RBFOX1: variants seen among roughly 807,000 people sequenced by gnomAD.
RBFOX1 encodes RNA binding protein fox-1 homolog 1.
Under a neutral mutation model 57.7 loss-of-function variants are expected in RBFOX1, and 8 were observed. The ratio of observed to expected loss-of-function variants is 0.14; its 90% CI spans 0.08 to 0.25. The LOEUF (loss-of-function observed/expected upper bound fraction) is 0.25, where lower values mean the gene tolerates loss of function less well. Among genes scored for constraint, RBFOX1 ranks in the 10% least tolerant of loss-of-function variants. The probability of loss-of-function intolerance (pLI) is 1.00; values close to 1 mark genes in which losing one functional copy is unlikely to be tolerated. For synonymous variants in RBFOX1, 326 were observed against 222.4 expected (o/e 1.47, Z -4.15); for missense variants, 611 against 548.5 (o/e 1.11, Z -1.14).
intron 4 of RBFOX1, among the ~76,000 whole-genome samples, chr16:7,259,827 T>G (rs115257805): frequency 0.019 from 2,909 of 152,276 alleles, 66 homozygotes; most frequent in African/African-American, 0.06. Context: ...AAGGATAATT[T>G]TATGTGTGTG....
At chr16:5,291,423 C>T (rs932665154) in intron 1 of RBFOX1, among the ~76,000 whole-genome samples, 10 of 152,124 alleles carry the variant, frequency 6.6e-5, no homozygotes, top group Admixed American at 5.2e-4. Context: ...CCACCACGCC[C>T]TGCTAATTTT....
intron 4 of RBFOX1, among the ~76,000 whole-genome samples, chr16:5,943,705 G>C (rs1451086452): frequency 1.3e-5 from 2 of 152,184 alleles, no homozygotes; most frequent in African/African-American, 4.8e-5. Flanking sequence ...GATCTGAAGA[G>C]GCTGAATGTA....
intron 3 of RBFOX1, among the ~76,000 whole-genome samples, chr16:6,866,919 G>T (rs1287616082): frequency 6.6e-6 from 1 of 151,682 alleles, no homozygotes; most frequent in East Asian, 1.9e-4. Flanking sequence ...AAGGAAACCA[G>T]CCCTTATGGG....
intron 3 of RBFOX1, among the ~76,000 whole-genome samples, chr16:7,027,440 G>A (rs2041298977): frequency 1.3e-5 from 2 of 152,216 alleles, no homozygotes; most frequent in Admixed American, 6.5e-5. Flanking sequence ...TTTTCAGGTG[G>A]AATAGGAGAG....
At chr16:6,422,646 G>A (rs369219391) in intron 2 of RBFOX1, among the ~76,000 whole-genome samples, 2 of 152,158 alleles carry the variant, frequency 1.3e-5, no homozygotes, top group Admixed American at 6.5e-5. Context: ...TCACATGGCA[G>A]GAGCAGGAGC....
chr16:7,309,008 T>G (rs1159124425), intron 4 of RBFOX1, among the ~76,000 whole-genome samples: 1 of 152,144 alleles, frequency 6.6e-6, no homozygotes, highest in Non-Finnish European at 1.5e-5. Flanking sequence ...TTGGGGGTGG[T>G]CGATAGTGTC....
intron 4 of RBFOX1, among the ~76,000 whole-genome samples, chr16:7,381,709 T>G (rs1055246031): frequency 6.6e-6 from 1 of 152,202 alleles, no homozygotes; most frequent in Non-Finnish European, 1.5e-5. Context: ...GATTTGCAAG[T>G]CAGGAACAGT....
intron 4 of RBFOX1, among the ~76,000 whole-genome samples, chr16:7,211,568 C>T (rs372397115): frequency 1.3e-5 from 2 of 151,916 alleles, no homozygotes; most frequent in African/African-American, 4.8e-5. Context: ...ACAAAAAAGG[C>T]CTTGAGTCTT....
chr16:7,307,940 T>G (rs1271441232), intron 4 of RBFOX1, among the ~76,000 whole-genome samples: 1 of 152,234 alleles, frequency 6.6e-6, no homozygotes, highest in African/African-American at 2.4e-5. Flanking sequence ...AAGCTGAACT[T>G]AGAACTCACA....
intron 3 of RBFOX1, among the ~76,000 whole-genome samples, chr16:6,948,764 C>T (rs781755108): frequency 6.6e-6 from 1 of 152,114 alleles, no homozygotes; most frequent in Non-Finnish European, 1.5e-5. Flanking sequence ...ACAAAAAATG[C>T]CCATACAATC....
chr16:6,493,933 A>G (rs1316288392), intron 2 of RBFOX1, among the ~76,000 whole-genome samples: 1 of 152,236 alleles, frequency 6.6e-6, no homozygotes, highest in Admixed American at 6.5e-5. Flanking sequence ...CTACAGTAGC[A>G]TCAGCGTGAT....
At chr16:6,910,081 G>A (rs1296945626) in intron 3 of RBFOX1, among the ~76,000 whole-genome samples, 1 of 152,036 alleles carries the variant, frequency 6.6e-6, no homozygotes, top group South Asian at 2.1e-4. Flanking sequence ...TATTGTGCCT[G>A]TACGTCCCAC....
chr16:6,730,485 C>A (rs144529487), intron 3 of RBFOX1, among the ~76,000 whole-genome samples: 2,408 of 152,230 alleles, frequency 0.016, 39 homozygotes, highest in Middle Eastern at 0.034. Flanking sequence ...AATTACCTAA[C>A]TGTCTAATCT....
At chr16:6,836,649 C>T (rs562996251) in intron 3 of RBFOX1, among the ~76,000 whole-genome samples, 4 of 152,272 alleles carry the variant, frequency 2.6e-5, no homozygotes, top group East Asian at 1.9e-4. Flanking sequence ...CACCCCGCTT[C>T]GGGGGTGACA....
chr16:6,849,877 C>A (rs2093974147), intron 3 of RBFOX1, among the ~76,000 whole-genome samples: 1 of 152,248 alleles, frequency 6.6e-6, no homozygotes, highest in Admixed American at 6.5e-5. Context: ...CCACTTAACT[C>A]TCCCTGATTT....
chr16:7,043,050 ATCTCCCTGACTTTATCCTGCTTTTGACTG>A (rs1597841723), intron 3 of RBFOX1, among the ~76,000 whole-genome samples: 1 of 86,880 alleles, frequency 1.2e-5, no homozygotes, highest in South Asian at 3.5e-4. Context: ...ACCCCCCACA[ATCTCCCTGACTTTATCCTGCTTTTGACTG>A]TGCCATTCAC....
intron 2 of RBFOX1, among the ~76,000 whole-genome samples, chr16:5,497,810 A>T (rs1028309083): frequency 3.9e-5 from 6 of 152,114 alleles, no homozygotes; most frequent in Admixed American, 3.9e-4. Flanking sequence ...AAGTTTACAG[A>T]TTCTGATAAT....
At chr16:5,268,896 C>T (rs148680497) in intron 1 of RBFOX1, among the ~76,000 whole-genome samples, 1 of 151,324 alleles carries the variant, frequency 6.6e-6, no homozygotes, top group Non-Finnish European at 1.5e-5. Flanking sequence ...TGCATCCTAA[C>T]CAACACTTGT....
intron 3 of RBFOX1, among the ~76,000 whole-genome samples, chr16:6,778,874 TA>T (rs1162757838): frequency 1.3e-5 from 2 of 152,072 alleles, no homozygotes; most frequent in African/African-American, 4.8e-5. Flanking sequence ...GTTTTTTTTT[TA>T]TTTTTAATTT....
Sources: gnomAD v4.1 joint callset for allele counts (sites outside exome capture counted in the v4.1 genomes callset) on GRCh38, gnomAD v4.1.1 for gene constraint, MANE v1.5 for transcripts, NCBI Gene and HGNC (gene_info 2026-07-23, HGNC 2026-07-21) for gene names.